CTIF: variants seen among roughly 807,000 people sequenced by gnomAD.
The protein encoded by CTIF is CBP80/20-dependent translation initiation factor.
A neutral mutation model predicts 66.0 loss-of-function variants in CTIF; 21 were observed. The observed-to-expected ratio is 0.32, with a 90% confidence interval of 0.23 to 0.46. The LOEUF (loss-of-function observed/expected upper bound fraction) is 0.46, where lower values mean the gene tolerates loss of function less well. Among genes scored for constraint, CTIF ranks in the 20% least tolerant of loss-of-function variants. CTIF has a pLI of 1.00. For synonymous variants in CTIF, 345 were observed against 326.4 expected (o/e 1.06, Z -0.62); for missense variants, 739 against 812.7 (o/e 0.91, Z 1.10).
chr18:48,546,445 T>G (rs1401215079), intron 1 of CTIF, among the ~76,000 whole-genome samples: 1 of 152,130 alleles, frequency 6.6e-6, no homozygotes, highest in Non-Finnish European at 1.5e-5. Context: ...TAGAATACTT[T>G]TAGTACCACA....
chr18:48,813,447 T>C (rs1165366560), intron 9 of CTIF, among the ~76,000 whole-genome samples: 1 of 152,244 alleles, frequency 6.6e-6, no homozygotes, highest in Non-Finnish European at 1.5e-5. Context: ...TTTGTGTAGA[T>C]GCCATATTGC....
intron 10 of CTIF, among the ~76,000 whole-genome samples, chr18:48,820,612 C>T (rs2068462305): frequency 6.6e-6 from 1 of 152,214 alleles, no homozygotes; most frequent in Non-Finnish European, 1.5e-5. Context: ...CTGCTCAGTG[C>T]AGCTCTCATG....
chr18:48,727,964 T>G (rs1024550683), intron 7 of CTIF, among the ~76,000 whole-genome samples: 1 of 152,226 alleles, frequency 6.6e-6, no homozygotes, highest in African/African-American at 2.4e-5. Flanking sequence ...TTTTTTATTG[T>G]GACAGCCCTT....
intron 7 of CTIF, among the ~76,000 whole-genome samples, chr18:48,743,675 A>C (rs1440964238): frequency 6.6e-6 from 1 of 152,270 alleles, no homozygotes; most frequent in African/African-American, 2.4e-5. Context: ...ATGTTATTAA[A>C]GATCGGGTTA....
In CTIF at chr18:48,796,687, G is replaced by A. The variant is rs115186539; in HGVS notation, c.1372-20534G>A. Among the ~76,000 whole-genome samples, 843 of 152,256 alleles carry A rather than the reference G, an allele frequency of 5.5e-3. 13 individuals carry two copies. Among genetic ancestry groups the A allele is most frequent in the African/African-American group, 0.019 (788 of 41,548 alleles). On this transcript the variant is annotated intron_variant, in intron 9 of 11. Coordinates refer to ENST00000256413, the MANE Select transcript of CTIF (RefSeq NM_014772.3). ...ACACTCAACCCCACAGCCACCCAAG[G>A]GCAGAAGGACTTAGAACAGGCAAAG...
chr18:48,720,728 C>T (rs1287200667), intron 7 of CTIF, among the ~76,000 whole-genome samples: 2 of 152,128 alleles, frequency 1.3e-5, no homozygotes, highest in Non-Finnish European at 2.9e-5. Flanking sequence ...AAATGGAGCC[C>T]CTGATACACC....
At chr18:48,603,235 T>C (rs1034396110) in intron 1 of CTIF, among the ~76,000 whole-genome samples, 1 of 146,446 alleles carries the variant, frequency 6.8e-6, no homozygotes, top group African/African-American at 2.6e-5. Flanking sequence ...GGTGGGTAGA[T>C]TGATGGATGG....
chr18:48,678,713 T>G (rs1598853864), intron 6 of CTIF, among the ~76,000 whole-genome samples: 1 of 151,678 alleles, frequency 6.6e-6, no homozygotes, highest in East Asian at 2.0e-4. Context: ...CACGCGGGCC[T>G]CCTCCTGCTC....
chr18:48,569,090 C>A (rs1010080783), intron 1 of CTIF, among the ~76,000 whole-genome samples: 6 of 152,170 alleles, frequency 3.9e-5, no homozygotes, highest in African/African-American at 1.4e-4. Flanking sequence ...CATAAGGACA[C>A]CATTCAAACT....
At chr18:48,583,364 C>T (rs768825194) in intron 1 of CTIF, among the ~76,000 whole-genome samples, 7 of 152,198 alleles carry the variant, frequency 4.6e-5, no homozygotes, top group Non-Finnish European at 1.0e-4. Flanking sequence ...TCTTAATTTT[C>T]TCAGAGTGTG....
intron 5 of CTIF, 165 bp from the exon 6 acceptor site, chr18:48,670,504 A>C: frequency 1.0e-5 from 6 of 588,368 alleles, no homozygotes; most frequent in Non-Finnish European, 1.5e-5. Flanking sequence ...CCACACACAC[A>C]CAGCTTCTCT....
chr18:48,797,084 C>T (rs1183479388), intron 9 of CTIF, among the ~76,000 whole-genome samples: 5 of 152,168 alleles, frequency 3.3e-5, no homozygotes, highest in African/African-American at 7.2e-5. Flanking sequence ...ATCAGCCACC[C>T]GGTAGATGAT....
At chr18:48,598,042 C>T (rs1464118784) in intron 1 of CTIF, among the ~76,000 whole-genome samples, 1 of 152,134 alleles carries the variant, frequency 6.6e-6, no homozygotes, top group Non-Finnish European at 1.5e-5. Flanking sequence ...CTTCTGGCTG[C>T]GGCACCCTGA....
intron 7 of CTIF, among the ~76,000 whole-genome samples, chr18:48,714,117 C>T (rs925956350): frequency 3.9e-5 from 6 of 152,158 alleles, no homozygotes; most frequent in Non-Finnish European, 5.9e-5. Flanking sequence ...CCCAAAGAGC[C>T]GCTGCAGAAT....
intron 1 of CTIF, among the ~76,000 whole-genome samples, chr18:48,541,061 C>G (rs2088603716): frequency 1.3e-5 from 2 of 152,204 alleles, no homozygotes; most frequent in Non-Finnish European, 2.9e-5. Flanking sequence ...TGCGCCGCCC[C>G]CAGTCCACGC....
chr18:48,705,969 C>G (rs1229847796), intron 6 of CTIF, among the ~76,000 whole-genome samples: 2 of 152,222 alleles, frequency 1.3e-5, no homozygotes, highest in African/African-American at 4.8e-5. Context: ...AGGCCTGGGA[C>G]AGAGTCTTAT....
intron 7 of CTIF, among the ~76,000 whole-genome samples, chr18:48,719,038 C>T (rs1488158966): frequency 6.6e-6 from 1 of 152,162 alleles, no homozygotes; most frequent in Non-Finnish European, 1.5e-5. Context: ...TTTCTTTTTG[C>T]CACCTCTTAA....
intron 7 of CTIF, among the ~76,000 whole-genome samples, chr18:48,722,327 C>T (rs146340356): frequency 6.6e-6 from 1 of 151,708 alleles, no homozygotes; most frequent in Non-Finnish European, 1.5e-5. Flanking sequence ...GTGATCCTCC[C>T]ACCTCAGCCT....
chr18:48,694,984 C>G (rs894406603), intron 6 of CTIF, among the ~76,000 whole-genome samples: 1 of 152,230 alleles, frequency 6.6e-6, no homozygotes, highest in Non-Finnish European at 1.5e-5. Flanking sequence ...AGACCTTATC[C>G]TTTGTCATTT....
Sources: allele counts gnomAD v4.1 joint callset (sites outside exome capture counted in the v4.1 genomes callset), GRCh38; gene constraint gnomAD v4.1.1; transcripts MANE v1.5; gene names NCBI Gene and HGNC (gene_info 2026-07-23, HGNC 2026-07-21).